The following ZNF658 variants were observed in gnomAD, a reference collection of about 807,000 sequenced individuals.
ZNF658 encodes the protein zinc finger protein 658.
Under a neutral mutation model 78.0 loss-of-function variants are expected in ZNF658, and 46 were observed. The observed-to-expected ratio is 0.59, with a 90% confidence interval of 0.47 to 0.75. The LOEUF is 0.75. ZNF658 is among the 30% of genes least tolerant of loss of function. The pLI is 0.00. For missense variants in ZNF658, 785 were observed against 1,189.3 expected, an observed-to-expected ratio of 0.66 and a Z score of 5.00; for synonymous variants, 279 against 408.4, an observed-to-expected ratio of 0.68 and a Z score of 3.82.
chr9:66,903,254 G>C, intron 1 of ZNF658: 1 of 387,134 alleles, frequency 2.6e-6, no homozygotes, highest in Non-Finnish European at 4.8e-6. Context: ...ACATATTCAG[G>C]TGTGGCTATC....
Position 66,918,456 on chromosome 9 carries a change from A to G in ZNF658, c.890A>G (p.Tyr297Cys). The change falls in exon 5 of 5, where the codon TAT becomes TGT. Residue 297 changes from tyrosine to cysteine, a missense_variant. Tyr to Cys is a radical substitution (Grantham distance 194). This residue lies in a region of ZNF658 where 393 missense variants were observed against 400.2 expected (regional missense o/e 0.98). Coordinates refer to ENST00000621410, the MANE Select transcript of ZNF658 (RefSeq NM_033160.7). The part of the protein sequence containing the change: ...YNKVHMAMTH[Y>C]ECNERGINFS... The stretch of plus-strand genomic sequence containing the variant: ...AAAGTTCACATGGCTATGACACACT[A>G]TGAGTGTAATGAAAGGGGGATTAAT... The G allele has an allele frequency of 1.2e-6, 2 of 1,607,698 alleles. No individual in the cohort carries two copies. The highest frequency in any genetic ancestry group is 1.7e-6 in the Non-Finnish European group (2 of 1,174,434).
chr9:66,920,563 C>T lies in ZNF658; in HGVS notation c.2997C>T (p.Cys999=), dbSNP rs143752442. ...TGEKPYECNE[C]GKAFAQNSTL... is the part of the protein sequence containing the mutation. Reference sequence around the variant, plus strand: ...AGAAACCCTATGAGTGTAATGAATGCGGAAAAGCTTTTGCCCAAAATTCAA... The same window carrying T: ...AGAAACCCTATGAGTGTAATGAATGTGGAAAAGCTTTTGCCCAAAATTCAA... The change falls in exon 5 of 5, where the codon TGC becomes TGT. Residue 999 remains cysteine (C), a synonymous_variant. Coordinates refer to ENST00000621410, the MANE Select transcript of ZNF658 (RefSeq NM_033160.7). 140 of 1,286,124 alleles carry T rather than the reference C, an allele frequency of 1.1e-4. 27 individuals are homozygous for T. The highest frequency in any genetic ancestry group is 6.9e-4 in the Admixed American group (32 of 46,138). 79.7% of individuals were successfully genotyped at this position (1,286,124 alleles called of 1,614,324 possible). A position where few individuals can be genotyped will look rare whatever the true frequency, so the allele number is the denominator to read the frequency against.
Position 66,904,053 on chromosome 9 carries a change from T to C in ZNF658, c.15+477T>C, listed in dbSNP as rs1822017308. Among the ~76,000 whole-genome samples, 9 of 151,866 alleles carry C rather than the reference T, an allele frequency of 5.9e-5. No homozygotes were observed. In the South Asian group the frequency reaches 1.9e-3, roughly 32 times the overall value. On this transcript the variant is annotated intron_variant, in intron 2 of 4. Transcript: ENST00000621410. ...CAAGTACTCCAGTGCAAGGGTTGAA[T>C]TTAACATTTTTCTGATGAATCAACT...
chr9:66,918,522 T>C lies in ZNF658; in HGVS notation c.956T>C (p.Ile319Thr), dbSNP rs766909198. The C allele has an allele frequency of 1.7e-5, 28 of 1,606,830 alleles. No individual in the cohort carries two copies. The highest frequency in any genetic ancestry group is 2.2e-5 in the Non-Finnish European group (26 of 1,174,508). Residue 319 changes from isoleucine (I) to threonine (T), a missense_variant, in exon 5 of 5, where the codon ATT (isoleucine) becomes ACT (threonine). By Grantham distance (89) the Ile-to-Thr change is moderately conservative (BLOSUM62 -1). Transcript: ENST00000621410. ...KSPLTQSQRTITGWSAFESNK... is the reference protein window; with the variant it reads ...KSPLTQSQRTTTGWSAFESNK... ...CCCCTCACTCAATCTCAGAGAACTA[T>C]TACAGGATGGAGTGCTTTTGAAAGC...
At chr9:66,930,783 C>T (rs988902190) in intron 6 of ZNF658, among the ~76,000 whole-genome samples, 2 of 151,134 alleles carry the variant, frequency 1.3e-5, no homozygotes, top group Non-Finnish European at 1.5e-5. Flanking sequence ...ATATCTGTAA[C>T]CTGCATCCTT....
chr9:66,917,378 A>G (rs1196418009), intron 4 of ZNF658, among the ~76,000 whole-genome samples: 1 of 144,464 alleles, frequency 6.9e-6, no homozygotes, highest in African/African-American at 2.6e-5. Context: ...GAAGTATTTA[A>G]TATTTGGAAA....
chr9:66,914,566 A>C (rs1193735663), intron 4 of ZNF658, among the ~76,000 whole-genome samples: 1 of 152,022 alleles, frequency 6.6e-6, no homozygotes, highest in Non-Finnish European at 1.5e-5. Context: ...TCTTGAGTAT[A>C]ATGTTAGTTA....
rs555278875 is a variant in ZNF658, at chr9:66,929,117, A to G, written c.*55-2908A>G. 7.2e-5 allele frequency among the ~76,000 whole-genome samples: 11 copies of G among 152,154 alleles called. No homozygotes were observed. The South Asian group carries it at 2.3e-3, about 32-fold the overall frequency. On this transcript the variant is annotated intron_variant and NMD_transcript_variant, in intron 6 of 6. Coordinates refer to the ZNF658 transcript ENST00000622180. ...CCAAAAATCTGTTTAAACTCAGTAAAAATGAATAAATGAAAAATCATTTTG... is the reference window on the plus strand; with the variant it reads ...CCAAAAATCTGTTTAAACTCAGTAAGAATGAATAAATGAAAAATCATTTTG...
In ZNF658 at chr9:66,918,275, C is replaced by T. The variant is rs778343225; in HGVS notation, c.709C>T (p.Leu237=). Residue 237 remains leucine, a synonymous_variant, in exon 5 of 5, where the codon CTA becomes TTA. Coordinates refer to ENST00000621410, the MANE Select transcript of ZNF658 (RefSeq NM_033160.7). ...AATTTGTATTACACCTCAGAGTTTT[C>T]TAACAGGAGAAAAGTCCTGTAAGGA... The part of the protein sequence containing the change: ...KTICITPQSF[L]TGEKSCKDDE... 6 of 1,613,324 alleles carry T rather than the reference C, an allele frequency of 3.7e-6. No homozygotes were observed. The East Asian group carries it at 1.3e-4, about 36-fold the overall frequency.
At chr9:66,930,726 G>A (rs1484502063) in intron 6 of ZNF658, among the ~76,000 whole-genome samples, 1 of 151,858 alleles carries the variant, frequency 6.6e-6, no homozygotes, top group Non-Finnish European at 1.5e-5. Context: ...CCAGAAAGAT[G>A]GTTGACTTTG....
chr9:66,914,029 ATAAATTTT>A (rs1822275792), intron 4 of ZNF658, among the ~76,000 whole-genome samples: 2 of 147,084 alleles, frequency 1.4e-5, no homozygotes, highest in Admixed American at 6.8e-5. Context: ...CATCTTGTGT[ATAAATTTT>A]TAAATGAGGT....
At chr9:66,915,397 TAAA>T (rs200943142) in intron 4 of ZNF658, among the ~76,000 whole-genome samples, 2 of 143,044 alleles carry the variant, frequency 1.4e-5, no homozygotes, top group South Asian at 2.2e-4. Flanking sequence ...CTTTTATAGT[TAAA>T]AAAAAAAAAA....
Position 66,918,277 on chromosome 9 carries a change from A to C in ZNF658, c.711A>C (p.Leu237=). 2 of 1,613,546 alleles carry C rather than the reference A, an allele frequency of 1.2e-6. No homozygotes were observed. Among genetic ancestry groups the C allele is most frequent in the South Asian group, 2.2e-5 (2 of 91,020 alleles). Residue 237 remains leucine (L), a synonymous_variant, in exon 5 of 5, where the codon CTA becomes CTC. Transcript: ENST00000621410. ...TTTGTATTACACCTCAGAGTTTTCT[A>C]ACAGGAGAAAAGTCCTGTAAGGATG... ...KTICITPQSF[L]TGEKSCKDDE... is the part of the protein sequence containing the mutation.
At chr9:66,922,920 G>T (rs1268942559), downstream of ZNF658, among the ~76,000 whole-genome samples, 1 of 151,094 alleles carries the variant, frequency 6.6e-6, no homozygotes, top group African/African-American at 2.4e-5. Flanking sequence ...ATCAGTACAT[G>T]TAAGACATAC....
Position 66,900,828 on chromosome 9 carries a change from G to T in ZNF658, c.-53G>T, listed in dbSNP as rs1400685172. 1 of 152,290 alleles carries T rather than the reference G, an allele frequency of 6.6e-6. No homozygotes were observed. The highest frequency in any genetic ancestry group is 1.5e-5 in the Non-Finnish European group (1 of 68,098). 9.4% of individuals were successfully genotyped at this position (152,290 alleles called of 1,614,324 possible). On this transcript the variant is annotated 5_prime_UTR_variant, in exon 1 of 5. Transcript: ENST00000621410. ...AGGTCTGCGCGGGAGCCGAGGCTGC[G>T]CACCTGGGGTGAGAGCGTCGGTGAC...
chr9:66,913,413 A>C (rs951903211), intron 4 of ZNF658, among the ~76,000 whole-genome samples: 23 of 148,064 alleles, frequency 1.6e-4, no homozygotes, highest in African/African-American at 6.0e-4. Context: ...TGACGAGAGA[A>C]ACTGTCTCAA....
chr9:66,912,178 G>GACA (rs1403990185), intron 4 of ZNF658, among the ~76,000 whole-genome samples: 1 of 112,686 alleles, frequency 8.9e-6, no homozygotes, highest in African/African-American at 4.2e-5. Flanking sequence ...ATACTTGATA[G>GACA]ACATCTTAGA....
At chr9:66,904,737 T>C (rs1822033878) in intron 2 of ZNF658, among the ~76,000 whole-genome samples, 1 of 152,136 alleles carries the variant, frequency 6.6e-6, no homozygotes, top group African/African-American at 2.4e-5. Context: ...TACTCCTCTA[T>C]CTCCATAGTT....
intron 4 of ZNF658, among the ~76,000 whole-genome samples, chr9:66,909,539 T>C (rs895002745): frequency 6.6e-5 from 10 of 151,572 alleles, no homozygotes; most frequent in African/African-American, 2.4e-4. Flanking sequence ...TATTTACAGG[T>C]TTCTGCATGG....
Sources: gnomAD v4.1 joint callset for allele counts (sites outside exome capture counted in the v4.1 genomes callset) on GRCh38, gnomAD v4.1.1 for gene constraint, gnomAD v4.1.1 regional missense constraint, MANE v1.5 for transcripts, NCBI Gene and HGNC (gene_info 2026-07-23, HGNC 2026-07-21) for gene names.